The following MYO7A variants were observed in gnomAD, a reference collection of about 807,000 sequenced individuals.
MYO7A encodes the protein unconventional myosin-VIIa.
A neutral mutation model predicts 263.8 loss-of-function variants in MYO7A; 210 were observed. That is an observed-to-expected ratio of 0.80 (90% confidence interval 0.71 to 0.89). The LOEUF is 0.89. MYO7A is among the 40% of genes least tolerant of loss of function. The probability of loss-of-function intolerance (pLI) is 0.00; values close to 1 mark genes in which losing one functional copy is unlikely to be tolerated. For missense variants in MYO7A, 2,820 were observed against 2,968.3 expected (o/e 0.95, Z 1.16); for synonymous variants, 1,239 against 1,197.3 (o/e 1.03, Z -0.72).
At position 77,169,841 on chromosome 11, in the gene MYO7A, C is replaced by T. The variant is rs555909308; in HGVS notation, c.1798-2907C>T. Among the ~76,000 whole-genome samples the T allele has an allele frequency of 6.8e-4, 103 of 152,192 alleles. 1 individual carries two copies. The highest frequency in any genetic ancestry group is 3.3e-3 in the Admixed American group (50 of 15,284). On this transcript the variant is annotated intron_variant, in intron 15 of 48. Transcript: ENST00000409709. ...CTGTAATTCCAAAACTTTGGGAGGC[C>T]GAGGTGGGCAGATTGCTTGAGCTCA...
At chr11:77,212,175 G>A (rs1471674580) in intron 46 of MYO7A, 12 of 638,648 alleles carry the variant, frequency 1.9e-5, no homozygotes, top group Admixed American at 1.9e-4. Context: ...TAAACAGGCT[G>A]GGGTAATGGA....
At chr11:77,192,999 T>C (rs1956270276) in intron 31 of MYO7A, among the ~76,000 whole-genome samples, 1 of 134,164 alleles carries the variant, frequency 7.5e-6, no homozygotes, top group Admixed American at 7.3e-5. Flanking sequence ...GAGGTAGTGA[T>C]GCTGTTGGTG....
At chr11:77,190,470 T>C (rs1043950973) in intron 29 of MYO7A, among the ~76,000 whole-genome samples, 1 of 152,082 alleles carries the variant, frequency 6.6e-6, no homozygotes, top group African/African-American at 2.4e-5. Context: ...GTGCCTGACC[T>C]CTCAGCCCCA....
chr11:77,156,049 T>G lies in MYO7A; in HGVS notation c.428T>G (p.Phe143Cys), dbSNP rs782103244. Residue 143 changes from phenylalanine to cysteine, a missense_variant, in exon 5 of 49, where the codon TTC becomes TGC. Physicochemically the swap from Phe to Cys is radical, Grantham distance 205 (BLOSUM62 -2). Transcript: ENST00000409709. ...HIFAIADNCY[F>C]NMKRNSRDQC... is the part of the protein sequence containing the mutation. ...TTTGCCATTGCTGACAACTGCTACT[T>G]CAACATGAAACGCAACAGCCGAGAC... 23 of 1,613,818 alleles carry G rather than the reference T, an allele frequency of 1.4e-5. No homozygotes were observed. In the East Asian group the frequency reaches 5.1e-4, roughly 36 times the overall value.
At chr11:77,177,494 CA>C in intron 18 of MYO7A, 54 bp from the exon 19 acceptor site, 2 of 1,359,968 alleles carry the variant, frequency 1.5e-6, no homozygotes, top group Admixed American at 3.8e-5. Context: ...TGGGACTGAG[CA>C]GGTGGTCCTA....
Position 77,198,614 on chromosome 11 carries a change from A to C in MYO7A, c.4561A>C (p.Ser1521Arg), listed in dbSNP as rs1436002133. 6.2e-7 allele frequency: 1 copy of C among 1,613,728 alleles called. No homozygotes were observed. The highest frequency in any genetic ancestry group is 1.3e-5 in the African/African-American group (1 of 74,944). The change falls in exon 34 of 49, where the codon AGC becomes CGC. Residue 1521 changes from serine to arginine, a missense_variant. Physicochemically the swap from Ser to Arg is moderately radical, Grantham distance 110. Transcript: ENST00000409709. ...LSFPEIMAVS[S>R]SRECRVWLSL... ...CTTCCCAGAGATCATGGCCGTGTCC[A>C]GCAGCAGGTGAGGAGGCCCGCATGG... is the stretch of plus-strand genomic sequence containing the variant.
At chr11:77,191,697 GC>G (rs1180995660) in intron 30 of MYO7A, among the ~76,000 whole-genome samples, 7 of 152,060 alleles carry the variant, frequency 4.6e-5, no homozygotes, top group African/African-American at 1.7e-4. Flanking sequence ...CAGCAGAGGG[GC>G]CCCCGCCCAC....
rs1355183892 is a variant in MYO7A, at chr11:77,202,281, C to T, written c.5044-19C>T. 2.5e-6 allele frequency: 4 copies of T among 1,573,392 alleles called. No homozygotes were observed. The highest frequency in any genetic ancestry group is 1.3e-5 in the African/African-American group (1 of 74,192). The stretch of plus-strand genomic sequence containing the variant: ...ACAGGTAGAGAGCTGACCTGAGCCC[C>T]CTGTCTCTTGGTCCCTAGGCCCTGG... On this transcript the variant is annotated intron_variant, in intron 36 of 48. Coordinates refer to ENST00000409709, the MANE Select transcript of MYO7A (RefSeq NM_000260.4).
At chr11:77,203,970 C>G (rs1330859479) in intron 38 of MYO7A, 106 bp from the exon 39 acceptor site, 1 of 1,288,578 alleles carries the variant, frequency 7.8e-7, no homozygotes, top group Admixed American at 2.4e-5. Context: ...CCTGAGGGCC[C>G]AGGGTCACAG....
intron 2 of MYO7A, among the ~76,000 whole-genome samples, chr11:77,139,939 G>T (rs1555049616): frequency 6.6e-6 from 1 of 152,130 alleles, no homozygotes; most frequent in Non-Finnish European, 1.5e-5. Context: ...TAAGACCCCA[G>T]AATTCTCCCT....
intron 35 of MYO7A, 124 bp from the exon 36 acceptor site, chr11:77,201,324 G>A: frequency 1.1e-6 from 1 of 952,220 alleles, no homozygotes; most frequent in Non-Finnish European, 1.6e-6. Context: ...GGAGAGTTGT[G>A]ACAAGGTGGA....
intron 2 of MYO7A, 197 bp from the exon 3 acceptor site, chr11:77,142,512 T>C (rs1268207765): frequency 3.3e-5 from 21 of 631,858 alleles, no homozygotes; most frequent in Non-Finnish European, 6.2e-5. Flanking sequence ...AGAGGGGGGA[T>C]TGATGAGATT....
In MYO7A at chr11:77,156,660, T is replaced by C. The variant is rs782294676; in HGVS notation, c.471T>C (p.Ser157=). ...GTCCTGCCACTCCCTCCCTCTGCAG[T>C]GGGGAATCTGGGGCCGGGAAGACGG... The part of the protein sequence containing the change: ...RNSRDQCCII[S]GESGAGKTES... The change falls in exon 6 of 49, where the codon AGT becomes AGC. Residue 157 remains serine (S), a splice_region_variant and synonymous_variant. Transcript: ENST00000409709. 1.5e-5 allele frequency: 25 copies of C among 1,613,442 alleles called. No homozygotes were observed. Among genetic ancestry groups the C allele is most frequent in the Non-Finnish European group, 1.8e-5 (21 of 1,179,788 alleles).
At position 77,214,681 on chromosome 11, in the gene MYO7A, C is replaced by T. The variant is rs1958048500; in HGVS notation, c.6633C>T (p.Ser2211=). 1 of 1,579,676 alleles carries T rather than the reference C, an allele frequency of 6.3e-7. No individual in the cohort carries two copies. The highest frequency in any genetic ancestry group is 1.3e-5 in the African/African-American group (1 of 74,288). ...MLTAMSKQRG[S]RSGK is the part of the protein sequence containing the mutation. ...CAGCCATGAGCAAACAGCGGGGCTC[C>T]AGGAGCGGCAAGTGAACAGTCACGG... The change falls in exon 49 of 49, where the codon TCC becomes TCT. Residue 2211 remains serine (S), a synonymous_variant. Coordinates refer to ENST00000409709, the MANE Select transcript of MYO7A (RefSeq NM_000260.4).
intron 35 of MYO7A, among the ~76,000 whole-genome samples, chr11:77,200,837 G>C (rs569654119): frequency 2.0e-5 from 3 of 152,324 alleles, no homozygotes; most frequent in South Asian, 4.1e-4. Context: ...ATCTTCAAGT[G>C]ATAACAGCAG....
At position 77,189,409 on chromosome 11, in the gene MYO7A, G is replaced by A. The variant is rs200870793; in HGVS notation, c.3569G>A (p.Arg1190Gln). 89 of 1,613,738 alleles carry A rather than the reference G, an allele frequency of 5.5e-5. No homozygotes were observed. The highest frequency in any genetic ancestry group is 6.6e-5 in the Non-Finnish European group (78 of 1,179,892). Residue 1190 changes from arginine to glutamine, a missense_variant, in exon 28 of 49, where the codon CGG (arginine) becomes CAG (glutamine). By Grantham distance (43) the Arg-to-Gln change is conservative. Transcript: ENST00000409709. ...AACCCCTCCAAGAGCAGCTATGCCCGGGGCTGGATTCTCGTGTCTCTCTGC... is the reference window on the plus strand; with the variant it reads ...AACCCCTCCAAGAGCAGCTATGCCCAGGGCTGGATTCTCGTGTCTCTCTGC... ...THNPSKSSYA[R>Q]GWILVSLCVG...
At chr11:77,148,799 A>G (rs1951765240) in intron 4 of MYO7A, among the ~76,000 whole-genome samples, 1 of 152,248 alleles carries the variant, frequency 6.6e-6, no homozygotes, top group Non-Finnish European at 1.5e-5. Flanking sequence ...ACTAAAAATG[A>G]CATTTCCCAA....
Position 77,182,060 on chromosome 11 carries a change from C to T in MYO7A, c.3014C>T (p.Ala1005Val), listed in dbSNP as rs113326082. The T allele has an allele frequency of 4.1e-5, 66 of 1,613,378 alleles. No individual in the cohort carries two copies. The Middle Eastern group carries it at 1.2e-3, about 28-fold the overall frequency. ...TCTGAGTATAAATTTGCCAAGTTCGCGGCCACCTACTTCCAGGGGACAACC... is the reference window on the plus strand; with the variant it reads ...TCTGAGTATAAATTTGCCAAGTTCGTGGCCACCTACTTCCAGGGGACAACC... ...DLSEYKFAKF[A>V]ATYFQGTTTH... Residue 1005 changes from alanine (A) to valine (V), a missense_variant, in exon 24 of 49, where the codon GCG (alanine) becomes GTG (valine). Physicochemically the swap from Ala to Val is moderately conservative, Grantham distance 64. Transcript: ENST00000409709.
intron 44 of MYO7A, among the ~76,000 whole-genome samples, chr11:77,210,629 G>C (rs939712775): frequency 6.6e-5 from 10 of 152,210 alleles, no homozygotes; most frequent in African/African-American, 2.4e-4. Flanking sequence ...CAGCCCTTCA[G>C]AGGCTTCATC....
Sources: allele counts gnomAD v4.1 joint callset (sites outside exome capture counted in the v4.1 genomes callset), GRCh38; gene constraint gnomAD v4.1.1; transcripts MANE v1.5; gene names NCBI Gene and HGNC (gene_info 2026-07-23, HGNC 2026-07-21).